KBTBD12: variants seen among roughly 807,000 people sequenced by gnomAD.
The protein encoded by KBTBD12 is kelch repeat and BTB domain containing 12, also known as kelch repeat and BTB domain-containing protein 12.
In KBTBD12, 53 loss-of-function variants were observed where a neutral mutation model predicts 58.7. The ratio of observed to expected loss-of-function variants is 0.90; its 90% CI spans 0.72 to 1.14. The LOEUF (loss-of-function observed/expected upper bound fraction) is 1.14. KBTBD12 is among the 50% of genes most tolerant of loss of function. The pLI is 0.00. For missense variants in KBTBD12, 704 were observed against 751.3 expected (o/e 0.94, Z 0.74); for synonymous variants, 236 against 259.8 (o/e 0.91, Z 0.88).
intron 4 of KBTBD12, 114 bp from the exon 5 acceptor site, chr3:127,963,075 A>G: frequency 1.1e-6 from 1 of 917,212 alleles, no homozygotes. Context: ...CCTGGCAAGA[A>G]AGAGAAAAGT....
In KBTBD12 at chr3:127,963,336, C is replaced by A. The variant is rs957023059; in HGVS notation, c.1640C>A (p.Ala547Glu). The stretch of plus-strand genomic sequence containing the variant: ...TCACTCCGCACCAATTCCACCAATG[C>A]AGGGGCAGTGGATGGGAAACTCTAT... ...LLSLRTNSTNAGAVDGKLYVC... is the reference protein window; with the variant it reads ...LLSLRTNSTNEGAVDGKLYVC... Residue 547 changes from alanine to glutamate, a missense_variant, in exon 5 of 6, where the codon GCA (alanine) becomes GAA (glutamate). Coordinates refer to ENST00000405109, the MANE Select transcript of KBTBD12 (RefSeq NM_207335.4). 13 of 1,612,010 alleles carry A rather than the reference C, an allele frequency of 8.1e-6. No homozygotes were observed.
intron 1 of KBTBD12, among the ~76,000 whole-genome samples, chr3:127,919,042 G>A (rs1208029988): frequency 6.6e-6 from 1 of 152,098 alleles, no homozygotes; most frequent in Non-Finnish European, 1.5e-5. Flanking sequence ...TCCTTGGATT[G>A]CCAAGGAACA....
intron 2 of KBTBD12, among the ~76,000 whole-genome samples, chr3:127,925,443 T>C (rs1382370543): frequency 6.6e-6 from 1 of 152,194 alleles, no homozygotes; most frequent in Non-Finnish European, 1.5e-5. Context: ...CTTCAGGTTC[T>C]TTACATAGTT....
At chr3:127,921,062 T>A (rs973484404) in intron 1 of KBTBD12, among the ~76,000 whole-genome samples, 11 of 152,146 alleles carry the variant, frequency 7.2e-5, no homozygotes, top group African/African-American at 2.7e-4. Context: ...AATATTTTTA[T>A]TATTTGAAAA....
chr3:127,933,324 C>T (rs1939749000), intron 4 of KBTBD12, among the ~76,000 whole-genome samples: 1 of 151,714 alleles, frequency 6.6e-6, no homozygotes, highest in South Asian at 2.1e-4. Context: ...AAACTAGCAG[C>T]TTTTTTTTGC....
Position 127,987,428 on chromosome 3 carries a change from A to G in KBTBD12, c.*3150A>G, listed in dbSNP as rs116996850. On this transcript the variant is annotated 3_prime_UTR_variant, in exon 6 of 6. Transcript: ENST00000405109. ...TAATAGAAGGCTGTTGCAGTACTGC[A>G]TGATGGGCTCTTATAAAACTTCTAC... 1.6e-4 allele frequency: 25 copies of G among 152,374 alleles called. No homozygotes were observed. In the East Asian group the frequency reaches 4.8e-3, roughly 29 times the overall value. 9.4% of individuals were successfully genotyped at this position (152,374 alleles called of 1,614,324 possible).
intron 4 of KBTBD12, among the ~76,000 whole-genome samples, chr3:127,955,833 T>C (rs1940308126): frequency 6.6e-6 from 1 of 152,234 alleles, no homozygotes; most frequent in South Asian, 2.1e-4. Context: ...AATAAGGCAA[T>C]ATCTCTTCCT....
At chr3:127,925,009 G>A (rs1939530883) in intron 2 of KBTBD12, among the ~76,000 whole-genome samples, 1 of 152,114 alleles carries the variant, frequency 6.6e-6, no homozygotes, top group Non-Finnish European at 1.5e-5. Context: ...ACCATGGTTT[G>A]TTCAGACATT....
chr3:127,973,408 G>A (rs995753415), intron 5 of KBTBD12, among the ~76,000 whole-genome samples: 4 of 152,194 alleles, frequency 2.6e-5, no homozygotes, highest in Non-Finnish European at 5.9e-5. Context: ...ATGTGTGAAG[G>A]TTGGTTGGAT....
rs376561300 is a variant in KBTBD12, at chr3:127,923,331, C to T, written c.270C>T (p.Tyr90=). Residue 90 remains tyrosine (Y), a synonymous_variant, in exon 2 of 6, where the codon TAC becomes TAT. Transcript: ENST00000405109. The part of the protein sequence containing the change: ...ESVSVLLNYM[Y]NAALEINNAN... ...TGTCGGTGTTATTAAATTACATGTA[C>T]AATGCAGCTTTGGAGATCAATAATG... The T allele has an allele frequency of 8.1e-6, 13 of 1,613,674 alleles. No individual in the cohort carries two copies. The highest frequency in any genetic ancestry group is 1.0e-5 in the Non-Finnish European group (12 of 1,179,782).
chr3:127,956,570 A>AC, intron 4 of KBTBD12, among the ~76,000 whole-genome samples: 1 of 152,288 alleles, frequency 6.6e-6, no homozygotes, highest in Admixed American at 6.5e-5. Flanking sequence ...CAAGTTTAAA[A>AC]TGTGTTTGAT....
At chr3:127,933,616 C>T (rs1403503180) in intron 4 of KBTBD12, among the ~76,000 whole-genome samples, 4 of 152,078 alleles carry the variant, frequency 2.6e-5, no homozygotes, top group African/African-American at 9.7e-5. Context: ...GTAGGTTGAG[C>T]ACATGTAGAG....
intron 3 of KBTBD12, among the ~76,000 whole-genome samples, chr3:127,929,501 A>G (rs943295194): frequency 6.6e-6 from 1 of 152,184 alleles, no homozygotes; most frequent in Non-Finnish European, 1.5e-5. Flanking sequence ...CATCTGTGTA[A>G]GAAAAGGTTG....
intron 4 of KBTBD12, among the ~76,000 whole-genome samples, chr3:127,935,843 G>A (rs1939819413): frequency 6.6e-6 from 1 of 152,018 alleles, no homozygotes; most frequent in Admixed American, 6.6e-5. Flanking sequence ...GACACATTTT[G>A]TACTCAAATA....
intron 4 of KBTBD12, among the ~76,000 whole-genome samples, chr3:127,953,154 T>C (rs1485440608): frequency 1.3e-5 from 2 of 152,226 alleles, no homozygotes; most frequent in African/African-American, 2.4e-5. Context: ...AAGTGCTCAA[T>C]AGATGAGAGT....
chr3:127,961,472 G>A (rs1940438084), intron 4 of KBTBD12, among the ~76,000 whole-genome samples: 2 of 152,194 alleles, frequency 1.3e-5, no homozygotes, highest in African/African-American at 4.8e-5. Context: ...AACTGAGACA[G>A]GAAACAGGTC....
chr3:127,922,416 C>T (rs1296344419), intron 1 of KBTBD12, among the ~76,000 whole-genome samples: 1 of 152,092 alleles, frequency 6.6e-6, no homozygotes, highest in Non-Finnish European at 1.5e-5. Flanking sequence ...AATTATTTGT[C>T]CCACATCAAA....
intron 5 of KBTBD12, among the ~76,000 whole-genome samples, chr3:127,980,893 T>G (rs1308438806): frequency 1.3e-5 from 2 of 152,218 alleles, no homozygotes; most frequent in East Asian, 3.8e-4. Flanking sequence ...TTTAGATTTT[T>G]TGTTGGTTTT....
intron 2 of KBTBD12, 128 bp from the exon 3 acceptor site, chr3:127,927,636 T>C: frequency 1.5e-6 from 1 of 657,626 alleles, no homozygotes; most frequent in East Asian, 2.7e-5. Flanking sequence ...CTTGTATTAA[T>C]GTTTTTTGTC....
Sources: gnomAD v4.1 joint callset for allele counts (sites outside exome capture counted in the v4.1 genomes callset) on GRCh38, gnomAD v4.1.1 for gene constraint, MANE v1.5 for transcripts, NCBI Gene and HGNC (gene_info 2026-07-23, HGNC 2026-07-21) for gene names.